The following GALNT18 variants were observed in gnomAD, a reference collection of about 807,000 sequenced individuals.
GALNT18 encodes the protein GalNAc-transferase 18.
GALNT18 carries 44 observed loss-of-function variants against 69.5 expected under a neutral mutation model. That is an observed-to-expected ratio of 0.63 (90% CI 0.50 to 0.81). GALNT18 has a LOEUF of 0.81. Among genes scored for constraint, GALNT18 ranks in the 40% least tolerant of loss-of-function variants. GALNT18 has a pLI of 0.00. For missense variants in GALNT18, 715 were observed against 810.0 expected (o/e 0.88, Z 1.42); for synonymous variants, 364 against 318.2 (o/e 1.14, Z -1.53).
At chr11:11,363,286 A>G (rs1472947958) in intron 6 of GALNT18, among the ~76,000 whole-genome samples, 2 of 152,188 alleles carry the variant, frequency 1.3e-5, no homozygotes, top group Admixed American at 6.5e-5. Context: ...AAACATTTAA[A>G]TATAAAAGTC....
intron 1 of GALNT18, among the ~76,000 whole-genome samples, chr11:11,520,352 C>G (rs537598671): frequency 6.6e-6 from 1 of 152,332 alleles, no homozygotes; most frequent in African/African-American, 2.4e-5. Flanking sequence ...AGCAGCGAGG[C>G]GCCTGGGTGT....
intron 6 of GALNT18, among the ~76,000 whole-genome samples, chr11:11,351,392 T>C (rs1482224044): frequency 6.6e-6 from 1 of 152,212 alleles, no homozygotes; most frequent in Admixed American, 6.5e-5. Flanking sequence ...ACAGAAGCCC[T>C]GTGGCAACTC....
chr11:11,281,480 C>A (rs1849074243), intron 10 of GALNT18, among the ~76,000 whole-genome samples: 1 of 152,206 alleles, frequency 6.6e-6, no homozygotes, highest in Non-Finnish European at 1.5e-5. Flanking sequence ...AAGATTCTGG[C>A]TGCTCAGCTC....
chr11:11,353,645 T>C (rs561428794), intron 6 of GALNT18, among the ~76,000 whole-genome samples: 1 of 152,334 alleles, frequency 6.6e-6, no homozygotes, highest in African/African-American at 2.4e-5. Context: ...CCCACACATA[T>C]GAATGGCTCA....
Position 11,575,327 on chromosome 11 carries a change from T to C in GALNT18, c.235+46032A>G, listed in dbSNP as rs1460556555. Among the ~76,000 whole-genome samples, 3 of 152,320 alleles carry C rather than the reference T, an allele frequency of 2.0e-5. No individual in the cohort carries two copies. In the East Asian group the frequency reaches 5.8e-4, roughly 29 times the overall value. On this transcript the variant is annotated intron_variant, in intron 1 of 10. Transcript: ENST00000227756. ...CTTTGATCAAGCTATTACTTCCTCC[T>C]GGCACCCCCTTCCTAACCCCTACAT...
chr11:11,562,732 A>G lies in GALNT18; in HGVS notation c.235+58627T>C, dbSNP rs886413622. Among the ~76,000 whole-genome samples, 2 of 152,226 alleles carry G rather than the reference A, an allele frequency of 1.3e-5. No individual in the cohort carries two copies. The highest frequency in any genetic ancestry group is 1.3e-4 in the Admixed American group (2 of 15,286). ...CGTAGGGAGAAAGGCTCAACCACGC[A>G]TTAAGTTCCTCCAAACACAAAGTGC... On this transcript the variant is annotated intron_variant, in intron 1 of 10. Transcript: ENST00000227756. The surrounding 1 kb of genome is among the most constrained non-coding windows in gnomAD (Gnocchi z 4.1).
intron 1 of GALNT18, among the ~76,000 whole-genome samples, chr11:11,579,279 C>T (rs1859012343): frequency 6.6e-6 from 1 of 152,136 alleles, no homozygotes; most frequent in South Asian, 2.1e-4. Context: ...TCTAGGGAGC[C>T]CTGAGTCGAG....
chr11:11,386,847 C>T (rs1225384510), intron 3 of GALNT18, among the ~76,000 whole-genome samples: 1 of 152,196 alleles, frequency 6.6e-6, no homozygotes, highest in Non-Finnish European at 1.5e-5. Context: ...ACACTCTATC[C>T]TGCCTCCCAA....
chr11:11,285,841 A>G (rs756421827), intron 10 of GALNT18, among the ~76,000 whole-genome samples: 1 of 152,220 alleles, frequency 6.6e-6, no homozygotes, highest in Non-Finnish European at 1.5e-5. Context: ...CTCTGCAAAT[A>G]GATTCGTCTT....
intron 1 of GALNT18, among the ~76,000 whole-genome samples, chr11:11,521,732 T>A (rs1857403970): frequency 6.6e-6 from 1 of 152,098 alleles, no homozygotes; most frequent in African/African-American, 2.4e-5. Flanking sequence ...TCACTTCCGA[T>A]GAAGCTTATG....
At chr11:11,535,544 C>T (rs1300480422) in intron 1 of GALNT18, among the ~76,000 whole-genome samples, 1 of 152,178 alleles carries the variant, frequency 6.6e-6, no homozygotes, top group Non-Finnish European at 1.5e-5. Flanking sequence ...TCATGGGCTC[C>T]ATTTTCCACA....
rs79203343 is a variant in GALNT18, at chr11:11,622,003, A to C, written c.-410T>G. On this transcript the variant is annotated 5_prime_UTR_variant, in exon 1 of 11. Transcript: ENST00000227756. Reference sequence around the variant, plus strand: ...GACCGGCCCGCGCTGCTAGGAGAACAGCGGCAGCGGCAGCGGCGGCGGGGA... The same window carrying C: ...GACCGGCCCGCGCTGCTAGGAGAACCGCGGCAGCGGCAGCGGCGGCGGGGA... 57,017 of 158,742 alleles carry C rather than the reference A, an allele frequency of 0.36. 10,395 individuals carry two copies. Among genetic ancestry groups the C allele is most frequent in the African/African-American group, 0.38 (16,043 of 41,714 alleles). 9.8% of individuals were successfully genotyped at this position (158,742 alleles called of 1,614,324 possible).
intron 1 of GALNT18, among the ~76,000 whole-genome samples, chr11:11,566,715 T>C (rs1258145033): frequency 6.6e-6 from 1 of 152,220 alleles, no homozygotes; most frequent in African/African-American, 2.4e-5. Context: ...GCAACTTTTT[T>C]GTAAACTTGA....
chr11:11,481,381 T>C (rs1188536082), intron 1 of GALNT18, among the ~76,000 whole-genome samples: 1 of 151,838 alleles, frequency 6.6e-6, no homozygotes, highest in Non-Finnish European at 1.5e-5. Flanking sequence ...AAGAAGGAGA[T>C]GAAGAAAACC....
intron 1 of GALNT18, among the ~76,000 whole-genome samples, chr11:11,462,182 C>A (rs973758187): frequency 2.6e-5 from 4 of 152,230 alleles, no homozygotes; most frequent in African/African-American, 9.6e-5. Flanking sequence ...TGCCGGTCCA[C>A]GGTCCCCACT....
chr11:11,390,889 C>T (rs1337158255), intron 3 of GALNT18, among the ~76,000 whole-genome samples: 1 of 152,198 alleles, frequency 6.6e-6, no homozygotes, highest in African/African-American at 2.4e-5. Context: ...TGACTTTGGG[C>T]ACAAGACTTA....
At chr11:11,442,003 G>C (rs980705708) in intron 2 of GALNT18, among the ~76,000 whole-genome samples, 1 of 152,056 alleles carries the variant, frequency 6.6e-6, no homozygotes, top group Non-Finnish European at 1.5e-5. Context: ...TTACAAACTT[G>C]GTGGCTTACA....
At chr11:11,448,640 G>A (rs1855715669) in intron 2 of GALNT18, 104 bp downstream of exon 2, 14 of 886,768 alleles carry the variant, frequency 1.6e-5, no homozygotes, top group Non-Finnish European at 2.3e-5. Context: ...GCAGGAAAGG[G>A]ACCCAAGAAT....
intron 3 of GALNT18, among the ~76,000 whole-genome samples, chr11:11,380,762 T>C (rs1169985455): frequency 6.6e-6 from 1 of 152,388 alleles, no homozygotes; most frequent in East Asian, 1.9e-4. Context: ...TTTTATTTAA[T>C]CAGCCTTTCT....
Sources: gnomAD v4.1 joint callset for allele counts (sites outside exome capture counted in the v4.1 genomes callset) on GRCh38, gnomAD v4.1.1 for gene constraint, Gnocchi (gnomAD v3.1) non-coding constraint, MANE v1.5 for transcripts, NCBI Gene and HGNC (gene_info 2026-07-23, HGNC 2026-07-21) for gene names.